SUSD1: variants seen among roughly 807,000 people sequenced by gnomAD.
SUSD1 encodes the protein sushi domain-containing protein 1.
In SUSD1, 65 loss-of-function variants were observed where a neutral mutation model predicts 86.9. The observed-to-expected ratio is 0.75, with a 90% CI of 0.61 to 0.92. The LOEUF is 0.92. Ranked by LOEUF, SUSD1 falls within the 40% of genes least tolerant of loss-of-function variation. The probability of loss-of-function intolerance (pLI) is 0.00; values close to 1 mark genes in which losing one functional copy is unlikely to be tolerated. For missense variants in SUSD1, 850 were observed against 929.7 expected (o/e 0.91, Z 1.11); for synonymous variants, 346 against 350.0 (o/e 0.99, Z 0.13).
chr9:112,094,619 T>C (rs1013832805), intron 10 of SUSD1, among the ~76,000 whole-genome samples: 1 of 152,252 alleles, frequency 6.6e-6, no homozygotes, highest in African/African-American at 2.4e-5. Flanking sequence ...AAAACAGGTT[T>C]TGGTCTTGCA....
At chr9:112,111,117 C>G (rs1156888456) in intron 8 of SUSD1, among the ~76,000 whole-genome samples, 1 of 152,162 alleles carries the variant, frequency 6.6e-6, no homozygotes, top group African/African-American at 2.4e-5. Flanking sequence ...CTCAGCCTCC[C>G]GAGTTGCTGG....
At chr9:112,121,381 T>A (rs1370541140) in intron 6 of SUSD1, among the ~76,000 whole-genome samples, 1 of 152,100 alleles carries the variant, frequency 6.6e-6, no homozygotes, top group African/African-American at 2.4e-5. Flanking sequence ...ATTTCAGAGG[T>A]CCAGGAACAC....
chr9:112,172,868 G>T (rs763083647), intron 1 of SUSD1, among the ~76,000 whole-genome samples: 1 of 152,086 alleles, frequency 6.6e-6, no homozygotes, highest in Non-Finnish European at 1.5e-5. Flanking sequence ...CTACATTGTC[G>T]ACTGTCAGGA....
chr9:112,157,066 C>T (rs148898011), intron 2 of SUSD1, among the ~76,000 whole-genome samples: 9 of 152,300 alleles, frequency 5.9e-5, no homozygotes, highest in African/African-American at 2.2e-4. Flanking sequence ...TGAATTCTGA[C>T]AGACATAAGA....
chr9:112,107,590 C>T (rs1830907741), intron 8 of SUSD1, among the ~76,000 whole-genome samples: 2 of 152,040 alleles, frequency 1.3e-5, no homozygotes, highest in South Asian at 4.1e-4. Flanking sequence ...TCCTAGAGTA[C>T]ATTTATAGTA....
At chr9:112,100,225 C>T (rs890166475) in intron 9 of SUSD1, among the ~76,000 whole-genome samples, 3 of 152,112 alleles carry the variant, frequency 2.0e-5, no homozygotes, top group Non-Finnish European at 4.4e-5. Context: ...CTTGCTCTGT[C>T]GCCCAGGCTG....
chr9:112,078,795 T>C, intron 11 of SUSD1, 71 bp from the exon 12 acceptor site: 1 of 1,319,792 alleles, frequency 7.6e-7, no homozygotes, highest in Non-Finnish European at 1.0e-6. Context: ...AACCTCCCCT[T>C]TTCCTTTTTC....
intron 12 of SUSD1, among the ~76,000 whole-genome samples, chr9:112,067,467 T>G (rs547909132): frequency 4.6e-5 from 7 of 152,352 alleles, no homozygotes; most frequent in Admixed American, 3.3e-4. Context: ...GCCCTGACTA[T>G]AGAATGCATC....
chr9:112,054,453 G>A (rs1289263541), intron 14 of SUSD1, among the ~76,000 whole-genome samples: 2 of 152,014 alleles, frequency 1.3e-5, no homozygotes, highest in Non-Finnish European at 2.9e-5. Context: ...CAGGCATGGT[G>A]GTGCACAGCT....
intron 5 of SUSD1, among the ~76,000 whole-genome samples, chr9:112,129,340 C>CT (rs927751364): frequency 1.3e-5 from 2 of 152,092 alleles, no homozygotes; most frequent in African/African-American, 4.8e-5. Context: ...GAGACAGGGC[C>CT]TTACTCCTGT....
intron 12 of SUSD1, among the ~76,000 whole-genome samples, chr9:112,068,000 A>G (rs1324179655): frequency 6.6e-6 from 1 of 152,142 alleles, no homozygotes; most frequent in Non-Finnish European, 1.5e-5. Context: ...ACTACTATAT[A>G]TATTATTCAT....
At chr9:112,048,506 C>T (rs1447334069) in intron 15 of SUSD1, among the ~76,000 whole-genome samples, 2 of 152,214 alleles carry the variant, frequency 1.3e-5, no homozygotes, top group Non-Finnish European at 2.9e-5. Context: ...TCCTATGCTT[C>T]ATTTCCCATA....
intron 15 of SUSD1, 113 bp downstream of exon 15, chr9:112,052,286 A>G (rs775483310): frequency 6.3e-7 from 1 of 1,592,590 alleles, no homozygotes. Flanking sequence ...TTAAAGTAGT[A>G]TGAATTGGGT....
At chr9:112,073,801 G>A (rs2564905) in intron 12 of SUSD1, among the ~76,000 whole-genome samples, 38,228 of 152,022 alleles carry the variant, frequency 0.25, 5,143 homozygotes, top group African/African-American at 0.35. Context: ...GTCGGGGCAT[G>A]AGAATCGCTT....
At chr9:112,089,915 T>C (rs1830139492) in intron 10 of SUSD1, among the ~76,000 whole-genome samples, 1 of 150,998 alleles carries the variant, frequency 6.6e-6, no homozygotes, top group Non-Finnish European at 1.5e-5. Flanking sequence ...GATAAGTAAA[T>C]ATTTTAGGCT....
chr9:112,154,970 G>T (rs900963610), intron 2 of SUSD1, among the ~76,000 whole-genome samples: 1 of 152,142 alleles, frequency 6.6e-6, no homozygotes, highest in Non-Finnish European at 1.5e-5. Context: ...AAAGGGCAGG[G>T]CCAGGTGCGG....
intron 15 of SUSD1, among the ~76,000 whole-genome samples, chr9:112,046,663 C>T (rs1053373749): frequency 1.3e-5 from 2 of 152,122 alleles, no homozygotes; most frequent in Non-Finnish European, 2.9e-5. Context: ...CGGGCATGGT[C>T]ACTTCCTGAA....
At chr9:112,147,006 A>C (rs558716563) in intron 3 of SUSD1, among the ~76,000 whole-genome samples, 3 of 152,216 alleles carry the variant, frequency 2.0e-5, no homozygotes, top group Non-Finnish European at 4.4e-5. Context: ...TACAGTTGTA[A>C]GTTTTCCCTG....
intron 8 of SUSD1, among the ~76,000 whole-genome samples, chr9:112,111,429 C>T (rs144371123): frequency 9.1e-4 from 139 of 152,194 alleles, no homozygotes; most frequent in African/African-American, 1.4e-3. Flanking sequence ...CCACCTCTCC[C>T]GGAGGGCTCA....
Sources: gnomAD v4.1 joint callset for allele counts (sites outside exome capture counted in the v4.1 genomes callset) on GRCh38, gnomAD v4.1.1 for gene constraint, MANE v1.5 for transcripts, NCBI Gene and HGNC (gene_info 2026-07-23, HGNC 2026-07-21) for gene names.